The following BABAM2 variants were observed in gnomAD, a reference collection of about 807,000 sequenced individuals.
The protein encoded by BABAM2 is BRISC and BRCA1 A complex member 2.
In BABAM2, 31 loss-of-function variants were observed where a neutral mutation model predicts 54.7. The observed-to-expected ratio is 0.57, with a 90% CI of 0.43 to 0.77. The LOEUF is 0.77. Ranked by LOEUF, BABAM2 falls within the 30% of genes least tolerant of loss-of-function variation. The pLI is 0.00. For synonymous variants in BABAM2, 167 were observed against 162.9 expected (o/e 1.03, Z -0.19); for missense variants, 364 against 455.8 (o/e 0.80, Z 1.83).
chr2:27,975,155 T>G (rs1335446694), intron 3 of BABAM2, among the ~76,000 whole-genome samples: 1 of 152,130 alleles, frequency 6.6e-6, no homozygotes, highest in Non-Finnish European at 1.5e-5. Context: ...TAGTTTTAAT[T>G]AGTTTCCTAA....
intron 7 of BABAM2, among the ~76,000 whole-genome samples, chr2:28,201,518 G>C (rs1196310790): frequency 1.3e-5 from 2 of 152,094 alleles, no homozygotes; most frequent in Non-Finnish European, 2.9e-5. Flanking sequence ...GTTACATGGT[G>C]CCCTAATATT....
At chr2:28,145,602 A>C (rs996204884) in intron 7 of BABAM2, among the ~76,000 whole-genome samples, 5 of 152,140 alleles carry the variant, frequency 3.3e-5, no homozygotes, top group Non-Finnish European at 7.3e-5. Flanking sequence ...TGTACAGCTC[A>C]CCCATTTAAA....
At chr2:28,051,954 C>G (rs1181111753) in intron 6 of BABAM2, among the ~76,000 whole-genome samples, 1 of 151,512 alleles carries the variant, frequency 6.6e-6, no homozygotes, top group Non-Finnish European at 1.5e-5. Context: ...CTGGCCAAGT[C>G]AGGGTTTTAA....
chr2:27,981,677 T>A (rs1243816980), intron 3 of BABAM2, among the ~76,000 whole-genome samples: 1 of 152,200 alleles, frequency 6.6e-6, no homozygotes, highest in East Asian at 1.9e-4. Context: ...TTTATCCACA[T>A]TGGAGCATTA....
In BABAM2 at chr2:28,072,822, G is replaced by A. The variant is rs186412147; in HGVS notation, c.570+27023G>A. Among the ~76,000 whole-genome samples the A allele has an allele frequency of 7.9e-5, 12 of 152,332 alleles. No homozygotes were observed. The East Asian group carries it at 2.3e-3, about 29-fold the overall frequency. On this transcript the variant is annotated intron_variant, in intron 6 of 11. Transcript: ENST00000379624. ...AAAATATAAACTTGACCTGTTAAAT[G>A]TAGAAAACTTTGAACATATACAAAG...
At chr2:28,026,963 T>TAG (rs1675885632) in intron 5 of BABAM2, among the ~76,000 whole-genome samples, 3 of 74,044 alleles carry the variant, frequency 4.1e-5, no homozygotes, top group Admixed American at 2.5e-4. Context: ...TATATAAATA[T>TAG]ATATATAAAT....
rs115754827 is a variant in BABAM2, at chr2:27,906,291, A to G, written c.128+11607A>G. On this transcript the variant is annotated intron_variant, in intron 2 of 11. Transcript: ENST00000379624. ...TGTCCATCAGGAAGTATTCCTTGGG[A>G]TTGCTAACCAGAAGGAAACACAGGT... 9.4e-3 allele frequency among the ~76,000 whole-genome samples: 1,435 copies of G among 152,240 alleles called. 16 individuals carry two copies. The highest frequency in any genetic ancestry group is 0.033 in the African/African-American group (1,365 of 41,528).
At chr2:28,095,386 T>A (rs755740646) in intron 6 of BABAM2, among the ~76,000 whole-genome samples, 1 of 152,208 alleles carries the variant, frequency 6.6e-6, no homozygotes, top group Non-Finnish European at 1.5e-5. Flanking sequence ...ACACTATAAG[T>A]TCTCTGAGTG....
chr2:28,062,378 C>A (rs1678954414), intron 6 of BABAM2, among the ~76,000 whole-genome samples: 1 of 151,204 alleles, frequency 6.6e-6, no homozygotes, highest in Non-Finnish European at 1.5e-5. Context: ...TCCTGGGCAA[C>A]ATGGTGAAAC....
rs529006564 is a variant in BABAM2 at position 28,327,367 on chromosome 2, G to A, written c.1089-11083G>A. 3.1e-4 allele frequency: 502 copies of A among 1,613,950 alleles called. 1 individual carries two copies. In the South Asian group the frequency reaches 5.3e-3, roughly 17 times the overall value. ...CTGGCTGCAAGCTGCTCCAGCCCCAGAGGAACTGGCCAAGCTCCAGAGGGC... is the reference window on the plus strand; with the variant it reads ...CTGGCTGCAAGCTGCTCCAGCCCCAAAGGAACTGGCCAAGCTCCAGAGGGC... On this transcript the variant is annotated intron_variant, in intron 11 of 11. Coordinates refer to ENST00000379624, the MANE Select transcript of BABAM2 (RefSeq NM_199191.3).
chr2:28,031,902 T>C (rs4666032), intron 5 of BABAM2, among the ~76,000 whole-genome samples: 6,252 of 152,302 alleles, frequency 0.041, 661 homozygotes, highest in Admixed American at 0.23. Context: ...TTCAACTGGC[T>C]TACTGATCAG....
At chr2:27,890,247 C>A (rs1472202657), upstream of BABAM2, 2 of 1,612,970 alleles carry the variant, frequency 1.2e-6, no homozygotes, top group Non-Finnish European at 8.5e-7. The surrounding 1 kb of genome is among the most constrained non-coding windows in gnomAD (Gnocchi z 4.8). Flanking sequence ...GTAACTGGCC[C>A]CGGACTAACC....
intron 7 of BABAM2, among the ~76,000 whole-genome samples, chr2:28,167,475 G>C (rs570141524): frequency 1.7e-4 from 26 of 152,102 alleles, no homozygotes; most frequent in Admixed American, 1.4e-3. Context: ...GGGAGGATCA[G>C]CTGAGGTCAG....
intron 10 of BABAM2, among the ~76,000 whole-genome samples, chr2:28,289,628 A>G (rs1687115784): frequency 1.3e-5 from 2 of 152,072 alleles, no homozygotes; most frequent in African/African-American, 4.8e-5. Context: ...ATCTCTACAA[A>G]AAAAATACAA....
chr2:28,190,117 C>T (rs1207825830), intron 7 of BABAM2, among the ~76,000 whole-genome samples: 1 of 152,144 alleles, frequency 6.6e-6, no homozygotes, highest in Non-Finnish European at 1.5e-5. Context: ...TCAATCCTTA[C>T]CCCATAGCAT....
At position 27,995,573 on chromosome 2, in the gene BABAM2, TTC is replaced by T. The variant is rs1248830217; in HGVS notation, c.300+7488_300+7489del. 6.6e-6 allele frequency among the ~76,000 whole-genome samples: 1 copy of T among 151,886 alleles called. No individual in the cohort carries two copies. The highest frequency in any genetic ancestry group is 1.5e-5 in the Non-Finnish European group (1 of 67,950). ...TTCCTATTAAACCCATCCTCATGAG[TTC>T]TTTTTTGTTTGTTTGTTTTTCTTAG... is the stretch of plus-strand genomic sequence containing the variant. On this transcript the variant is annotated intron_variant, in intron 4 of 11. Transcript: ENST00000379624. The surrounding 1 kb of genome is among the most constrained non-coding windows in gnomAD (Gnocchi z 4.1).
intron 11 of BABAM2, among the ~76,000 whole-genome samples, chr2:28,324,597 G>A (rs546330382): frequency 1.3e-5 from 2 of 148,826 alleles, no homozygotes; most frequent in African/African-American, 5.0e-5. Context: ...AACATAGTGA[G>A]ACCCGTAACA....
At chr2:28,294,391 A>G (rs1018141915) in intron 10 of BABAM2, among the ~76,000 whole-genome samples, 1 of 151,952 alleles carries the variant, frequency 6.6e-6, no homozygotes, top group Non-Finnish European at 1.5e-5. Flanking sequence ...AAAAAAAAAA[A>G]AAAGGAAAGA....
At chr2:28,241,275 A>G (rs2148068534) in intron 8 of BABAM2, 48 bp from the exon 9 acceptor site, 1 of 1,543,892 alleles carries the variant, frequency 6.5e-7, no homozygotes, top group Non-Finnish European at 9.0e-7. Context: ...ATAATAAAGC[A>G]TTTAAAAGAT....
Sources: allele counts gnomAD v4.1 joint callset (sites outside exome capture counted in the v4.1 genomes callset), GRCh38; gene constraint gnomAD v4.1.1; non-coding constraint Gnocchi (gnomAD v3.1); transcripts MANE v1.5; gene names NCBI Gene and HGNC (gene_info 2026-07-23, HGNC 2026-07-21).